Variants in FAN1 observed in about 807,000 individuals in gnomAD.
The protein encoded by FAN1 is FANCD2 and FANCI associated nuclease 1, also known as fanconi-associated nuclease 1.
FAN1 carries 91 observed loss-of-function variants against 104.9 expected under a neutral mutation model. That is an observed-to-expected ratio of 0.87 (90% CI 0.73 to 1.03). FAN1 has a LOEUF of 1.03. FAN1 is among the 50% of genes least tolerant of loss of function. The probability of loss-of-function intolerance (pLI) is 0.00; values close to 1 mark genes in which losing one functional copy is unlikely to be tolerated. For missense variants in FAN1, 1,263 were observed against 1,239.9 expected, an observed-to-expected ratio of 1.02 and a Z score of -0.28; for synonymous variants, 478 against 457.6, an observed-to-expected ratio of 1.04 and a Z score of -0.57.
At chr15:30,923,162 T>C (rs1189977502) in intron 8 of FAN1, among the ~76,000 whole-genome samples, 1 of 152,192 alleles carries the variant, frequency 6.6e-6, no homozygotes, top group African/African-American at 2.4e-5. Context: ...AAATATGACA[T>C]CTTGTTTTTA....
intron 8 of FAN1, among the ~76,000 whole-genome samples, chr15:30,923,999 T>C (rs944453884): frequency 5.3e-5 from 8 of 152,178 alleles, no homozygotes; most frequent in Non-Finnish European, 8.8e-5. Context: ...ACGCCCCGCT[T>C]TCCCTTCCCC....
rs2140943393 is a variant in FAN1 at position 30,928,607 on chromosome 15, A to G, written c.2543A>G (p.Asp848Gly). 2.5e-6 allele frequency: 4 copies of G among 1,613,176 alleles called. No homozygotes were observed. Among genetic ancestry groups the G allele is most frequent in the South Asian group, 1.1e-5 (1 of 91,034 alleles). ...ACCCTGTATGGCCTCCTCCTGTGGGACATCATCTTCATGGATGGGATTCCG... is the reference window on the plus strand; with the variant it reads ...ACCCTGTATGGCCTCCTCCTGTGGGGCATCATCTTCATGGATGGGATTCCG... Reference protein sequence around the residue: ...FSTLYGLLLWDIIFMDGIPDV... With the variant: ...FSTLYGLLLWGIIFMDGIPDV... The change falls in exon 11 of 15, where the codon GAC (aspartate) becomes GGC (glycine). Residue 848 changes from aspartate to glycine, a missense_variant. Around this residue, in one of 2 missense-constraint regions of FAN1, gnomAD observed 581 missense variants for 668.8 expected, o/e 0.87. Coordinates refer to ENST00000362065, the MANE Select transcript of FAN1 (RefSeq NM_014967.5).
At chr15:30,930,868 G>A (rs1057353659) in intron 13 of FAN1, among the ~76,000 whole-genome samples, 197 bp downstream of exon 13, 3 of 152,168 alleles carry the variant, frequency 2.0e-5, no homozygotes, top group African/African-American at 7.2e-5. Context: ...GAGCCCCAGA[G>A]TGTGAGCAAG....
intron 2 of FAN1, among the ~76,000 whole-genome samples, chr15:30,907,301 T>C (rs1292313169): frequency 6.6e-6 from 1 of 151,956 alleles, no homozygotes; most frequent in African/African-American, 2.4e-5. Flanking sequence ...GCAGATGGCC[T>C]GAGGTCATGA....
intron 6 of FAN1, 44 bp from the exon 7 acceptor site, chr15:30,920,491 TCTTATAATAA>T (rs1319835378): frequency 9.0e-7 from 1 of 1,109,736 alleles, no homozygotes; most frequent in Non-Finnish European, 1.4e-6. Context: ...GTTATTATTG[TCTTATAATAA>T]ATTAACCAAA....
intron 5 of FAN1, among the ~76,000 whole-genome samples, chr15:30,917,487 T>C (rs1566918269): frequency 6.6e-6 from 1 of 152,246 alleles, no homozygotes; most frequent in Non-Finnish European, 1.5e-5. Context: ...TCTTTACTCT[T>C]ACTTTACAGT....
chr15:30,941,263 C>CAGAA (rs369368315), intron 14 of FAN1: 13 of 1,471,948 alleles, frequency 8.8e-6, no homozygotes, highest in Non-Finnish European at 1.2e-5. Flanking sequence ...CCTGTAATGA[C>CAGAA]AGAAAGAGGA....
rs1372240698 is a variant in FAN1 at position 30,904,995 on chromosome 15, C to T, written c.332C>T (p.Pro111Leu). 4 of 1,614,042 alleles carry T rather than the reference C, an allele frequency of 2.5e-6. No homozygotes were observed. Among genetic ancestry groups the T allele is most frequent in the Admixed American group, 1.7e-5 (1 of 60,012 alleles). The change falls in exon 2 of 15, where the codon CCT (proline) becomes CTT (leucine). Residue 111 changes from proline to leucine, a missense_variant. Pro to Leu is a moderately conservative substitution (Grantham distance 98). This residue lies in a region of FAN1 where 682 missense variants were observed against 571.1 expected (regional missense o/e 1.19). Coordinates refer to ENST00000362065, the MANE Select transcript of FAN1 (RefSeq NM_014967.5). ...CCACCACCAAAGACAAATTTAACCC[C>T]TGGCCAAAGTGATTCAGCAAAAAGG... ...KSPPPKTNLT[P>L]GQSDSAKREV...
Position 30,910,814 on chromosome 15 carries a change from A to G in FAN1, c.1576A>G (p.Arg526Gly). ...KPGIGAVILK[R>G]AKALAGQSVR... is the part of the protein sequence containing the mutation. Reference sequence around the variant, plus strand: ...TGGAATTGGTGCAGTGATTTTAAAAAGGTTTTGTTGGCTATTGTTACAGTA... The same window carrying G: ...TGGAATTGGTGCAGTGATTTTAAAAGGGTTTTGTTGGCTATTGTTACAGTA... Residue 526 changes from arginine (R) to glycine (G), a missense_variant and splice_region_variant, in exon 4 of 15, where the codon AGA becomes GGA. By Grantham distance (125) the Arg-to-Gly change is moderately radical. Around this residue, in one of 2 missense-constraint regions of FAN1, gnomAD observed 581 missense variants for 668.8 expected, o/e 0.87. Coordinates refer to ENST00000362065, the MANE Select transcript of FAN1 (RefSeq NM_014967.5). 1 of 1,613,364 alleles carries G rather than the reference A, an allele frequency of 6.2e-7. No homozygotes were observed. The highest frequency in any genetic ancestry group is 1.1e-5 in the South Asian group (1 of 90,920).
At position 30,928,592 on chromosome 15, in the gene FAN1, G is replaced by C. The variant is rs1300977645; in HGVS notation, c.2528G>C (p.Gly843Ala). The C allele has an allele frequency of 1.9e-6, 3 of 1,611,272 alleles. No individual in the cohort carries two copies. In the East Asian group the frequency reaches 6.7e-5, roughly 36 times the overall value. Reference sequence around the variant, plus strand: ...GGGTCCACCTTCAGCACCCTGTATGGCCTCCTCCTGTGGGACATCATCTTC... The same window carrying C: ...GGGTCCACCTTCAGCACCCTGTATGCCCTCCTCCTGTGGGACATCATCTTC... ...GEGSTFSTLY[G>A]LLLWDIIFMD... The change falls in exon 11 of 15, where the codon GGC (glycine) becomes GCC (alanine). Residue 843 changes from glycine to alanine, a missense_variant. This residue lies in a region of FAN1 where 581 missense variants were observed against 668.8 expected (regional missense o/e 0.87). Transcript: ENST00000362065.
intron 2 of FAN1, 144 bp from the exon 3 acceptor site, chr15:30,907,974 G>A (rs2062018690): frequency 3.8e-6 from 2 of 528,734 alleles, no homozygotes; most frequent in Admixed American, 4.2e-5. Context: ...ATTTTTAAAT[G>A]TACTTTCAAA....
Position 30,925,798 on chromosome 15 carries a change from A to C in FAN1, c.2347A>C (p.Thr783Pro). ...AVQDVKHVTI[T>P]GRLCPQRGMC... Reference sequence around the variant, plus strand: ...TCTGCTGCTGTTTCAGGTGACCATCACAGGCAGGCTGTGCCCACAGCGTGG... The same window carrying C: ...TCTGCTGCTGTTTCAGGTGACCATCCCAGGCAGGCTGTGCCCACAGCGTGG... Residue 783 changes from threonine (T) to proline (P), a missense_variant, in exon 10 of 15, where the codon ACA becomes CCA. Around this residue, in one of 2 missense-constraint regions of FAN1, gnomAD observed 581 missense variants for 668.8 expected, o/e 0.87. Coordinates refer to ENST00000362065, the MANE Select transcript of FAN1 (RefSeq NM_014967.5). 6.2e-7 allele frequency: 1 copy of C among 1,614,158 alleles called. No homozygotes were observed. The highest frequency in any genetic ancestry group is 8.5e-7 in the Non-Finnish European group (1 of 1,180,034).
intron 3 of FAN1, among the ~76,000 whole-genome samples, chr15:30,910,410 A>G (rs1313838293): frequency 6.6e-6 from 1 of 152,202 alleles, no homozygotes; most frequent in Non-Finnish European, 1.5e-5. Flanking sequence ...GAGAAATTCT[A>G]TTATTTGATA....
rs1219873048 is a variant in FAN1, at chr15:30,942,639, C to CT, written c.*1080dup. 6.6e-6 allele frequency: 3 copies of CT among 456,406 alleles called. No individual in the cohort carries two copies. The highest frequency in any genetic ancestry group is 2.0e-5 in the African/African-American group (1 of 49,940). The allele number at this position is 456,406 out of a possible 1,614,324, so 28.3% of individuals were successfully genotyped here. A position where few individuals can be genotyped will look rare whatever the true frequency, so the allele number is the denominator to read the frequency against. ...ATCATCAAGAAATGGATAAATGGGG[C>CT]TTTAGTAAATCAGGCTTGCAGGCTC... On this transcript the variant is annotated 3_prime_UTR_variant, in exon 15 of 15. Transcript: ENST00000362065.
chr15:30,911,618 A>G (rs1164713563), intron 4 of FAN1: 1 of 939,326 alleles, frequency 1.1e-6, no homozygotes, highest in Non-Finnish European at 1.3e-6. Flanking sequence ...AATAAATTAC[A>G]TACTTGTAAT....
chr15:30,923,720 CAG>C (rs2062391586), intron 8 of FAN1, among the ~76,000 whole-genome samples: 1 of 152,250 alleles, frequency 6.6e-6, no homozygotes, highest in South Asian at 2.1e-4. Flanking sequence ...GGGTGCCCTT[CAG>C]AGTCTCATTC....
chr15:30,915,183 A>T (rs2062175819), intron 5 of FAN1, among the ~76,000 whole-genome samples: 1 of 152,236 alleles, frequency 6.6e-6, no homozygotes, highest in Non-Finnish European at 1.5e-5. Flanking sequence ...ACATTATGTT[A>T]TGTGAAATAA....
chr15:30,922,443 T>C (rs1052353807), intron 8 of FAN1, 89 bp downstream of exon 8: 2 of 1,293,742 alleles, frequency 1.5e-6, no homozygotes, highest in Non-Finnish European at 2.2e-6. Flanking sequence ...AAAATTTACA[T>C]GTAATTAGAA....
intron 8 of FAN1, among the ~76,000 whole-genome samples, chr15:30,924,382 G>C (rs1002068483): frequency 6.6e-6 from 1 of 152,202 alleles, no homozygotes; most frequent in African/African-American, 2.4e-5. Context: ...TGGTGATTCT[G>C]TGTTGAGCTT....
Sources: allele counts gnomAD v4.1 joint callset (sites outside exome capture counted in the v4.1 genomes callset), GRCh38; gene constraint gnomAD v4.1.1; regional missense constraint gnomAD v4.1.1; transcripts MANE v1.5; gene names NCBI Gene and HGNC (gene_info 2026-07-23, HGNC 2026-07-21).